Variants in TTLL7 observed in about 807,000 individuals in gnomAD.
TTLL7 encodes the protein tubulin tyrosine ligase like 7.
In TTLL7, 53 loss-of-function variants were observed where a neutral mutation model predicts 120.2. That is an observed-to-expected ratio of 0.44 (90% CI 0.35 to 0.55). The LOEUF (loss-of-function observed/expected upper bound fraction) is 0.55. Among genes scored for constraint, TTLL7 ranks in the 20% least tolerant of loss-of-function variants. The pLI, the probability that TTLL7 is intolerant of heterozygous loss-of-function variation, is 0.00. For synonymous variants in TTLL7, 353 were observed against 351.7 expected (o/e 1.00, Z -0.04); for missense variants, 803 against 1,054.7 (o/e 0.76, Z 3.31).
At chr1:83,983,550 C>T (rs1652169984) in intron 1 of TTLL7, among the ~76,000 whole-genome samples, 1 of 152,078 alleles carries the variant, frequency 6.6e-6, no homozygotes, top group Non-Finnish European at 1.5e-5. Flanking sequence ...CTAGCAAACA[C>T]TGGCTTTGAC....
chr1:83,948,375 T>G (rs1036071764), intron 5 of TTLL7, among the ~76,000 whole-genome samples: 4 of 152,224 alleles, frequency 2.6e-5, no homozygotes, highest in African/African-American at 9.6e-5. Context: ...TGGAGACTGA[T>G]TCTGATCCAC....
intron 17 of TTLL7, among the ~76,000 whole-genome samples, chr1:83,904,603 C>G (rs991930613): frequency 6.6e-6 from 1 of 152,040 alleles, no homozygotes; most frequent in Non-Finnish European, 1.5e-5. Context: ...CCACTGCACT[C>G]CAGCCTGGGC....
At chr1:83,935,310 T>C (rs1000312786) in intron 8 of TTLL7, among the ~76,000 whole-genome samples, 1 of 152,084 alleles carries the variant, frequency 6.6e-6, no homozygotes, top group African/African-American at 2.4e-5. Flanking sequence ...GGGGACTGAT[T>C]ATTAATCAAC....
Position 83,869,917 on chromosome 1 carries a change from A to T in TTLL7, c.*45T>A. On this transcript the variant is annotated 3_prime_UTR_variant, in exon 21 of 21. Coordinates refer to ENST00000260505, the MANE Select transcript of TTLL7 (RefSeq NM_024686.6). ...GCATGTTCAACTTCAGAGGAAAAAA[A>T]TGAATTGCTGTTATGTATAACCAAT... 6 of 1,581,550 alleles carry T rather than the reference A, an allele frequency of 3.8e-6. No individual in the cohort carries two copies. Among genetic ancestry groups the T allele is most frequent in the Non-Finnish European group, 5.1e-6 (6 of 1,170,524 alleles).
In TTLL7 at chr1:83,921,372, A is replaced by G. The variant is rs1344836139; in HGVS notation, c.1165T>C (p.Leu389=). The change falls in exon 11 of 21, where the codon TTG becomes CTG. Residue 389 remains leucine, a synonymous_variant. Coordinates refer to ENST00000260505, the MANE Select transcript of TTLL7 (RefSeq NM_024686.6). ...NIRTSDKRRN[L]AKQKAEAQRR... Reference sequence around the variant, plus strand: ...TGAGCCTCAGCTTTTTGTTTGGCCAAGTTTCTTCTTTTGTCACTGGTCCTA... The same window carrying G: ...TGAGCCTCAGCTTTTTGTTTGGCCAGGTTTCTTCTTTTGTCACTGGTCCTA... The G allele has an allele frequency of 1.9e-6, 3 of 1,611,402 alleles. No individual in the cohort carries two copies. The highest frequency in any genetic ancestry group is 2.5e-6 in the Non-Finnish European group (3 of 1,179,596).
intron 1 of TTLL7, among the ~76,000 whole-genome samples, chr1:83,967,380 A>G (rs1358187421): frequency 6.6e-6 from 1 of 152,112 alleles, no homozygotes; most frequent in Non-Finnish European, 1.5e-5. Context: ...CCCATCTCCA[A>G]CTTCTGGTTC....
Position 83,952,269 on chromosome 1 carries a change from C to T in TTLL7, c.-58G>A. The T allele has an allele frequency of 6.2e-7, 1 of 1,600,596 alleles. No homozygotes were observed. Among genetic ancestry groups the T allele is most frequent in the South Asian group, 1.1e-5 (1 of 89,624 alleles). ...CTGCTGTACCAAGCTCTCAGGAAAT[C>T]TGGAAATTCCACATTAGTCTAAGTA... On this transcript the variant is annotated 5_prime_UTR_variant, in exon 2 of 21. Coordinates refer to ENST00000260505, the MANE Select transcript of TTLL7 (RefSeq NM_024686.6).
chr1:83,929,158 C>T lies in TTLL7; in HGVS notation c.1120G>A (p.Ala374Thr). 1 of 1,611,916 alleles carries T rather than the reference C, an allele frequency of 6.2e-7. No individual in the cohort carries two copies. The highest frequency in any genetic ancestry group is 1.1e-5 in the South Asian group (1 of 90,908). Reference protein sequence around the residue: ...YDVKRGVLLNALKLLNIRTSD... With the variant: ...YDVKRGVLLNTLKLLNIRTSD... ...TACCTTATGTTTAGTAGCTTCAACG[C>T]ATTTAGCAGCACTCCCCTTTTTACA... Residue 374 changes from alanine to threonine, a missense_variant, in exon 10 of 21, where the codon GCG becomes ACG. Ala to Thr is a moderately conservative substitution (Grantham distance 58, BLOSUM62 0). Coordinates refer to ENST00000260505, the MANE Select transcript of TTLL7 (RefSeq NM_024686.6).
intron 1 of TTLL7, among the ~76,000 whole-genome samples, chr1:83,993,779 T>TG (rs1407620150): frequency 4.6e-5 from 7 of 152,324 alleles, no homozygotes; most frequent in Admixed American, 3.3e-4. Flanking sequence ...AATTTACTTA[T>TG]CACTCACCAT....
chr1:83,916,234 A>T (rs1393488592), intron 14 of TTLL7, among the ~76,000 whole-genome samples: 1 of 152,204 alleles, frequency 6.6e-6, no homozygotes, highest in Non-Finnish European at 1.5e-5. Flanking sequence ...AAGACTTGGA[A>T]CCAACCCAAA....
chr1:83,881,892 G>A (rs983606929), intron 20 of TTLL7, among the ~76,000 whole-genome samples: 2 of 150,200 alleles, frequency 1.3e-5, no homozygotes, highest in African/African-American at 4.9e-5. Flanking sequence ...TATACACCAT[G>A]GAATACTATG....
In TTLL7 at chr1:83,865,539, C is replaced by G. The variant is rs200806237; in HGVS notation, c.*4423G>C. The G allele has an allele frequency of 2.0e-5, 3 of 151,856 alleles. No homozygotes were observed. In the East Asian group the frequency reaches 5.8e-4, roughly 29 times the overall value. The allele number at this position is 151,856 out of a possible 1,614,324, so 9.4% of individuals were successfully genotyped here. A position where few individuals can be genotyped will look rare whatever the true frequency, so the allele number is the denominator to read the frequency against. On this transcript the variant is annotated 3_prime_UTR_variant, in exon 21 of 21. Transcript: ENST00000260505. ...CGATACATCCCTTTATGACGAGGTC[C>G]AAAAAGCACCAAAAAATGGCAGCAA...
chr1:83,994,263 G>A (rs926064603), intron 1 of TTLL7, among the ~76,000 whole-genome samples: 1 of 152,300 alleles, frequency 6.6e-6, no homozygotes, highest in South Asian at 2.1e-4. Flanking sequence ...CTGCTCCCTA[G>A]TTGTGCCCTC....
At chr1:83,893,077 G>C (rs545435552) in intron 18 of TTLL7, among the ~76,000 whole-genome samples, 6 of 151,892 alleles carry the variant, frequency 4.0e-5, no homozygotes, top group African/African-American at 1.4e-4. Flanking sequence ...GGGGAGCCAG[G>C]GGGATGGAAG....
chr1:83,982,383 T>A (rs1652042958), intron 1 of TTLL7, among the ~76,000 whole-genome samples: 1 of 151,034 alleles, frequency 6.6e-6, no homozygotes, highest in South Asian at 2.1e-4. Context: ...AGAAAAAAAA[T>A]CCAAAGTAGA....
intron 1 of TTLL7, among the ~76,000 whole-genome samples, chr1:83,998,439 C>T (rs1187384161): frequency 6.6e-6 from 1 of 152,158 alleles, no homozygotes; most frequent in Non-Finnish European, 1.5e-5. Context: ...AGTCAGGCAT[C>T]CAACAGAGCA....
At chr1:83,928,852 T>G (rs1403327740) in intron 10 of TTLL7, among the ~76,000 whole-genome samples, 2 of 151,940 alleles carry the variant, frequency 1.3e-5, no homozygotes, top group Non-Finnish European at 2.9e-5. Context: ...TTACTGCAGG[T>G]ACAGACTGTT....
At chr1:83,992,202 T>G (rs1399615524) in intron 1 of TTLL7, among the ~76,000 whole-genome samples, 2 of 152,152 alleles carry the variant, frequency 1.3e-5, no homozygotes, top group Admixed American at 6.5e-5. Context: ...ACAGCTCACT[T>G]AATTTTGAGA....
intron 1 of TTLL7, among the ~76,000 whole-genome samples, chr1:83,984,479 G>A (rs2100619718): frequency 6.6e-6 from 1 of 152,300 alleles, no homozygotes; most frequent in South Asian, 2.1e-4. Context: ...TGTATAATAT[G>A]TTCACTGCAG....
Sources: allele counts gnomAD v4.1 joint callset (sites outside exome capture counted in the v4.1 genomes callset), GRCh38; gene constraint gnomAD v4.1.1; transcripts MANE v1.5; gene names NCBI Gene and HGNC (gene_info 2026-07-23, HGNC 2026-07-21).